Variants in LRRK1 observed in about 807,000 individuals in gnomAD.
LRRK1 encodes the protein leucine-rich repeat serine/threonine-protein kinase 1.
Under a neutral mutation model 209.1 loss-of-function variants are expected in LRRK1, and 113 were observed. That is an observed-to-expected ratio of 0.54 (90% CI 0.46 to 0.63). The LOEUF (loss-of-function observed/expected upper bound fraction) is 0.63. Among genes scored for constraint, LRRK1 ranks in the 30% least tolerant of loss-of-function variants. LRRK1 has a pLI of 0.00. For synonymous variants in LRRK1, 1,144 were observed against 1,099.7 expected, an observed-to-expected ratio of 1.04 and a Z score of -0.80; for missense variants, 2,284 against 2,632.2, an observed-to-expected ratio of 0.87 and a Z score of 2.89.
rs144043207 is a variant in LRRK1, at chr15:100,984,921, A to G, written c.433+1222A>G. Among the ~76,000 whole-genome samples, 1,188 of 152,292 alleles carry G rather than the reference A, an allele frequency of 7.8e-3. 16 individuals are homozygous for G. The highest frequency in any genetic ancestry group is 0.027 in the African/African-American group (1,141 of 41,556). On this transcript the variant is annotated intron_variant, in intron 4 of 33. Transcript: ENST00000388948. ...GGGCCCACCTCTTGGGTGGGAGAACATGCAGTCACCCAGGGCCCTGCACCT... is the reference window on the plus strand; with the variant it reads ...GGGCCCACCTCTTGGGTGGGAGAACGTGCAGTCACCCAGGGCCCTGCACCT...
At position 100,986,566 on chromosome 15, in the gene LRRK1, C is replaced by G. The variant is rs140815520; in HGVS notation, c.434-2068C>G. The stretch of plus-strand genomic sequence containing the variant: ...CAGACACAGGTGTACGGTGTAAGAG[C>G]AGCTGAGTCACTGCCTGGCTCTGTT... On this transcript the variant is annotated intron_variant, in intron 4 of 33. Coordinates refer to ENST00000388948, the MANE Select transcript of LRRK1 (RefSeq NM_024652.6). 3.3e-5 allele frequency among the ~76,000 whole-genome samples: 5 copies of G among 152,336 alleles called. No homozygotes were observed. The East Asian group carries it at 7.7e-4, about 24-fold the overall frequency.
chr15:101,051,619 A>G, intron 23 of LRRK1, 92 bp from the exon 24 acceptor site: 1 of 1,496,770 alleles, frequency 6.7e-7, no homozygotes, highest in South Asian at 1.3e-5. Flanking sequence ...CCCTGCTGCG[A>G]AGGCCTCAGG....
At chr15:100,988,137 G>C (rs926090237) in intron 4 of LRRK1, among the ~76,000 whole-genome samples, 7 of 152,166 alleles carry the variant, frequency 4.6e-5, no homozygotes, top group African/African-American at 1.4e-4. Flanking sequence ...GCTGGGTTTT[G>C]TTTTGTTTTG....
intron 2 of LRRK1, among the ~76,000 whole-genome samples, chr15:100,952,985 T>C (rs1334921431): frequency 2.6e-5 from 4 of 152,362 alleles, no homozygotes; most frequent in South Asian, 4.1e-4. Context: ...TTTACAGTTT[T>C]ATTGAGGTAT....
Position 101,053,028 on chromosome 15 carries a change from C to T in LRRK1, c.3796C>T (p.Pro1266Ser), listed in dbSNP as rs1338947308. The T allele has an allele frequency of 1.2e-6, 2 of 1,612,932 alleles. No homozygotes were observed. Among genetic ancestry groups the T allele is most frequent in the South Asian group, 1.1e-5 (1 of 91,066 alleles). The change falls in exon 25 of 34, where the codon CCT becomes TCT. Residue 1266 changes from proline to serine, a missense_variant. Pro to Ser is a moderately conservative substitution (Grantham distance 74, BLOSUM62 -1). Coordinates refer to ENST00000388948, the MANE Select transcript of LRRK1 (RefSeq NM_024652.6). ...VIYRARYQGQ[P>S]VAVKRFHIKK... ...CTACCGGGCCCGGTACCAGGGCCAGCCTGTGGCCGTCAAGCGCTTCCACAT... is the reference window on the plus strand; with the variant it reads ...CTACCGGGCCCGGTACCAGGGCCAGTCTGTGGCCGTCAAGCGCTTCCACAT...
Position 101,053,440 on chromosome 15 carries a change from C to G in LRRK1, c.4054+20C>G. ...CCAGAGGTACCGCGGCGCGCCGCCC[C>G]ACCCGGCCCCGGAGACCGACAGAGC... On this transcript the variant is annotated intron_variant, in intron 26 of 33. Coordinates refer to ENST00000388948, the MANE Select transcript of LRRK1 (RefSeq NM_024652.6). The G allele has an allele frequency of 6.5e-7, 1 of 1,548,972 alleles. No individual in the cohort carries two copies. The highest frequency in any genetic ancestry group is 8.7e-7 in the Non-Finnish European group (1 of 1,151,240).
intron 20 of LRRK1, among the ~76,000 whole-genome samples, chr15:101,040,183 T>G (rs923887004): frequency 2.0e-5 from 3 of 152,208 alleles, no homozygotes; most frequent in African/African-American, 4.8e-5. Flanking sequence ...AGCCTGGAGT[T>G]TACTTCACAA....
intron 24 of LRRK1, 28 bp from the exon 25 acceptor site, chr15:101,052,894 T>C (rs1176491333): frequency 6.3e-7 from 1 of 1,595,882 alleles, no homozygotes; most frequent in East Asian, 2.3e-5. Context: ...GCGGGGGGGA[T>C]GTGGCTGATG....
In LRRK1 at chr15:101,024,595, T is replaced by C; in HGVS notation, c.2068-208T>C. On this transcript the variant is annotated intron_variant, in intron 15 of 33. Coordinates refer to ENST00000388948, the MANE Select transcript of LRRK1 (RefSeq NM_024652.6). The surrounding 1 kb of genome is among the most constrained non-coding windows in gnomAD (Gnocchi z 4.6). ...CTGCTCTGCTAGGAGTAGACAGAAGTCCCAGAAGCCCACCCCCATGCCACC... is the reference window on the plus strand; with the variant it reads ...CTGCTCTGCTAGGAGTAGACAGAAGCCCCAGAAGCCCACCCCCATGCCACC... Among the ~76,000 whole-genome samples, 1 of 152,124 alleles carries C rather than the reference T, an allele frequency of 6.6e-6. No individual in the cohort carries two copies. Among genetic ancestry groups the C allele is most frequent in the East Asian group, 1.9e-4 (1 of 5,192 alleles).
chr15:101,006,730 A>C (rs2032975540), intron 6 of LRRK1, among the ~76,000 whole-genome samples: 1 of 152,216 alleles, frequency 6.6e-6, no homozygotes, highest in Admixed American at 6.5e-5. Flanking sequence ...AAACATAAAA[A>C]GCGTGTGTAT....
chr15:100,998,010 C>T (rs1219552195), intron 6 of LRRK1, among the ~76,000 whole-genome samples: 2 of 151,982 alleles, frequency 1.3e-5, no homozygotes, highest in African/African-American at 4.8e-5. Flanking sequence ...GAAACCCCCC[C>T]GTCTCTACTA....
chr15:101,067,194 G>T (rs1762469586), intron 33 of LRRK1: 5 of 452,280 alleles, frequency 1.1e-5, no homozygotes, highest in South Asian at 6.2e-5. Flanking sequence ...TGCCCTTCCT[G>T]GGCTGAGACA....
At chr15:100,983,237 C>A (rs554335341) in intron 3 of LRRK1, among the ~76,000 whole-genome samples, 4 of 152,168 alleles carry the variant, frequency 2.6e-5, no homozygotes, top group Non-Finnish European at 5.9e-5. Context: ...TATTATTTAA[C>A]ATGAATATAT....
intron 2 of LRRK1, among the ~76,000 whole-genome samples, chr15:100,946,973 CTTTT>C (rs1196152840): frequency 6.6e-6 from 1 of 151,992 alleles, no homozygotes; most frequent in African/African-American, 2.4e-5. Context: ...TTTCTTTTTT[CTTTT>C]TCTTTTTTTT....
In LRRK1 at chr15:100,973,958, G is replaced by A. The variant is rs900770259; in HGVS notation, c.252G>A (p.Gln84=). 2.2e-4 allele frequency: 276 copies of A among 1,250,152 alleles called. No individual in the cohort carries two copies. The highest frequency in any genetic ancestry group is 2.6e-4 in the Non-Finnish European group (261 of 991,590). The allele number at this position is 1,250,152 out of a possible 1,614,324, so 77.4% of individuals were successfully genotyped here. The change falls in exon 3 of 34, where the codon CAG becomes CAA. Residue 84 remains glutamine, a synonymous_variant. Transcript: ENST00000388948. The part of the protein sequence containing the change: ...LEEACDQCAS[Q]LEKGQLLSIP... The stretch of plus-strand genomic sequence containing the variant: ...AGGCCTGCGACCAGTGCGCGTCCCA[G>A]CTGGAAAAGGTAGGGGAGCGCCTGC...
intron 2 of LRRK1, among the ~76,000 whole-genome samples, chr15:100,959,653 C>G (rs190626270): frequency 6.6e-6 from 1 of 152,304 alleles, no homozygotes; most frequent in African/African-American, 2.4e-5. Flanking sequence ...GGAAATCACC[C>G]CCATTTGTGT....
At chr15:101,010,354 A>G in intron 7 of LRRK1, 96 bp from the exon 8 acceptor site, 1 of 1,416,022 alleles carries the variant, frequency 7.1e-7, no homozygotes. Context: ...GGGGAGAAAA[A>G]GAAAAAAAAT....
chr15:101,030,558 C>T (rs999925261), intron 20 of LRRK1, among the ~76,000 whole-genome samples: 4 of 152,098 alleles, frequency 2.6e-5, no homozygotes, highest in South Asian at 2.1e-4. Context: ...GTGGTCCCAC[C>T]GATCACCTTC....
At chr15:101,031,352 CAG>C (rs2034274054) in intron 20 of LRRK1, among the ~76,000 whole-genome samples, 2 of 152,212 alleles carry the variant, frequency 1.3e-5, no homozygotes, top group South Asian at 2.1e-4. Flanking sequence ...CTCAACCGCA[CAG>C]AGTCACGCAA....
Sources: gnomAD v4.1 joint callset for allele counts (sites outside exome capture counted in the v4.1 genomes callset) on GRCh38, gnomAD v4.1.1 for gene constraint, Gnocchi (gnomAD v3.1) non-coding constraint, MANE v1.5 for transcripts, NCBI Gene and HGNC (gene_info 2026-07-23, HGNC 2026-07-21) for gene names.